TRPM3: variants seen among roughly 807,000 people sequenced by gnomAD.
The protein encoded by TRPM3 is transient receptor potential cation channel subfamily M member 3.
Under a neutral mutation model 181.2 loss-of-function variants are expected in TRPM3, and 77 were observed. The observed-to-expected ratio is 0.42, with a 90% CI of 0.35 to 0.51. The LOEUF is 0.51. TRPM3 is among the 20% of genes least tolerant of loss of function. TRPM3 has a pLI of 0.01. For missense variants in TRPM3, 1,759 were observed against 2,196.7 expected, an observed-to-expected ratio of 0.80 and a Z score of 3.98; for synonymous variants, 745 against 796.4, an observed-to-expected ratio of 0.94 and a Z score of 1.09.
At chr9:70,668,535 G>C (rs1042189991) in intron 9 of TRPM3, among the ~76,000 whole-genome samples, 7 of 151,818 alleles carry the variant, frequency 4.6e-5, no homozygotes, top group Non-Finnish European at 1.0e-4. Context: ...CGTGGTGGCG[G>C]GCGCCCGTAG....
intron 6 of TRPM3, chr9:70,825,965 C>T (rs549800992): frequency 6.6e-6 from 1 of 152,392 alleles, no homozygotes; most frequent in African/African-American, 2.4e-5. Flanking sequence ...CATCCCTAGG[C>T]CTGCTACCCA....
intron 1 of TRPM3, among the ~76,000 whole-genome samples, chr9:71,185,786 C>G (rs2077641470): frequency 6.6e-6 from 1 of 152,054 alleles, no homozygotes; most frequent in South Asian, 2.1e-4. Context: ...TCAATGGCCA[C>G]TCTGATGAGC....
intron 1 of TRPM3, among the ~76,000 whole-genome samples, chr9:71,165,095 G>C (rs544049696): frequency 2.0e-5 from 3 of 152,268 alleles, no homozygotes; most frequent in South Asian, 2.1e-4. Context: ...AGGACAATCA[G>C]TATAGACCAG....
intron 1 of TRPM3, among the ~76,000 whole-genome samples, chr9:71,313,570 C>T (rs1024550498): frequency 1.3e-5 from 2 of 152,100 alleles, no homozygotes; most frequent in Non-Finnish European, 2.9e-5. Flanking sequence ...TATCCATTTT[C>T]TTGACCTATC....
intron 1 of TRPM3, among the ~76,000 whole-genome samples, chr9:70,906,816 T>C (rs11999527): frequency 0.066 from 9,962 of 152,048 alleles, 1,137 homozygotes; most frequent in African/African-American, 0.23. Context: ...GGCAGGAGAA[T>C]TGGTTGAACC....
intron 7 of TRPM3, among the ~76,000 whole-genome samples, chr9:70,778,067 T>C (rs1328148): frequency 0.43 from 65,255 of 151,786 alleles, 14,793 homozygotes; most frequent in African/African-American, 0.58. Flanking sequence ...TTTTCTTCAA[T>C]CTTATTTAGA....
intron 1 of TRPM3, among the ~76,000 whole-genome samples, chr9:71,015,827 A>G (rs773087971): frequency 3.3e-5 from 5 of 152,170 alleles, no homozygotes; most frequent in Non-Finnish European, 5.9e-5. Flanking sequence ...CATGTGTCAC[A>G]CTGAGGATCA....
chr9:71,168,510 CTTT>C (rs386415035), intron 1 of TRPM3, among the ~76,000 whole-genome samples: 3 of 90,630 alleles, frequency 3.3e-5, no homozygotes, highest in South Asian at 3.7e-4. Flanking sequence ...TGACATTTTT[CTTT>C]TTTTTTTTTT....
chr9:71,222,807 C>T (rs2080320016), intron 1 of TRPM3, among the ~76,000 whole-genome samples: 3 of 152,160 alleles, frequency 2.0e-5, no homozygotes, highest in South Asian at 4.1e-4. Context: ...GTGCTACCAA[C>T]ACCAGGCAGG....
intron 22 of TRPM3, among the ~76,000 whole-genome samples, chr9:70,577,263 C>A (rs1294504159): frequency 6.6e-6 from 1 of 152,226 alleles, no homozygotes; most frequent in African/African-American, 2.4e-5. Context: ...CCAGGCACTG[C>A]AGTGAGGTAT....
chr9:71,193,176 T>G (rs987375743), intron 1 of TRPM3, among the ~76,000 whole-genome samples: 22 of 151,906 alleles, frequency 1.4e-4, no homozygotes, highest in African/African-American at 4.8e-4. Context: ...CTTCATCCCA[T>G]TTTCTCTATA....
chr9:71,407,477 A>G (rs1430956566), intron 1 of TRPM3, among the ~76,000 whole-genome samples: 1 of 152,234 alleles, frequency 6.6e-6, no homozygotes, highest in Non-Finnish European at 1.5e-5. Flanking sequence ...GCTCACTGCT[A>G]GCACAGCAGT....
intron 25 of TRPM3, among the ~76,000 whole-genome samples, chr9:70,545,937 A>G (rs1263874049): frequency 2.0e-5 from 3 of 152,184 alleles, no homozygotes; most frequent in Non-Finnish European, 2.9e-5. Context: ...AGGTGTTCAA[A>G]TCAAGGTTGG....
intron 1 of TRPM3, among the ~76,000 whole-genome samples, chr9:71,399,854 AGTT>A (rs1435331276): frequency 8.6e-5 from 13 of 152,028 alleles, no homozygotes; most frequent in Non-Finnish European, 1.8e-4. Context: ...CGTTTCCAGA[AGTT>A]GTTGATTTTT....
intron 5 of TRPM3, among the ~76,000 whole-genome samples, chr9:70,829,448 CCTTT>C (rs1554728927): frequency 6.6e-6 from 1 of 151,914 alleles, no homozygotes; most frequent in Non-Finnish European, 1.5e-5. Context: ...GAAAAAAAAT[CCTTT>C]CTTTTCTGAA....
At chr9:71,048,987 C>T (rs571088495) in intron 1 of TRPM3, among the ~76,000 whole-genome samples, 1 of 152,324 alleles carries the variant, frequency 6.6e-6, no homozygotes, top group Admixed American at 6.5e-5. Flanking sequence ...GGAAATTATT[C>T]ATTCCCTTCA....
At chr9:70,827,724 A>T in intron 6 of TRPM3, 123 bp downstream of exon 6, 1 of 1,247,128 alleles carries the variant, frequency 8.0e-7, no homozygotes, top group Non-Finnish European at 1.1e-6. Context: ...GGCCCGGTAG[A>T]AATAATGGTT....
At chr9:71,173,778 T>A (rs1042122596) in intron 1 of TRPM3, among the ~76,000 whole-genome samples, 3 of 152,236 alleles carry the variant, frequency 2.0e-5, no homozygotes, top group African/African-American at 7.2e-5. Context: ...TTGAATCAAC[T>A]TTTAATTTGT....
chr9:71,271,073 C>T (rs1002187290), intron 1 of TRPM3, among the ~76,000 whole-genome samples: 4 of 152,244 alleles, frequency 2.6e-5, no homozygotes, highest in South Asian at 2.1e-4. Context: ...ACAAAAACCA[C>T]GAGATAGAAT....
Sources: allele counts gnomAD v4.1 joint callset (sites outside exome capture counted in the v4.1 genomes callset), GRCh38; gene constraint gnomAD v4.1.1; transcripts MANE v1.5; gene names NCBI Gene and HGNC (gene_info 2026-07-23, HGNC 2026-07-21).